SLC26A3: variants seen among roughly 807,000 people sequenced by gnomAD.
SLC26A3 encodes chloride anion exchanger.
In SLC26A3, 64 loss-of-function variants were observed where a neutral mutation model predicts 85.6. The observed-to-expected ratio is 0.75, with a 90% CI of 0.61 to 0.92. The LOEUF (loss-of-function observed/expected upper bound fraction) is 0.92, where lower values mean the gene tolerates loss of function less well. SLC26A3 is among the 40% of genes least tolerant of loss of function. The pLI is 0.00. For missense variants in SLC26A3, 922 were observed against 927.3 expected, an observed-to-expected ratio of 0.99 and a Z score of 0.07; for synonymous variants, 349 against 336.0, an observed-to-expected ratio of 1.04 and a Z score of -0.42.
intron 1 of SLC26A3, among the ~76,000 whole-genome samples, chr7:107,799,055 G>A (rs1029239098): frequency 7.2e-5 from 11 of 152,140 alleles, no homozygotes; most frequent in African/African-American, 2.7e-4. Flanking sequence ...GCGTGAGGCT[G>A]GATAGAAGCA....
chr7:107,778,056 C>T, intron 13 of SLC26A3, 119 bp downstream of exon 13: 1 of 743,658 alleles, frequency 1.3e-6, no homozygotes, highest in East Asian at 2.7e-5. Context: ...CTGCCCCATC[C>T]TGATAGAAAT....
rs774191649 is a variant in SLC26A3, at chr7:107,789,696, G to A, written c.571-8C>T. On this transcript the variant is annotated splice_polypyrimidine_tract_variant and splice_region_variant and intron_variant, in intron 5 of 20. Coordinates refer to ENST00000340010, the MANE Select transcript of SLC26A3 (RefSeq NM_000111.3). Reference sequence around the variant, plus strand: ...CAGAATCCCAAAAGCCAACTGGAAAGAGAACAAAAGCCTTTGTCAGCATAG... The same window carrying A: ...CAGAATCCCAAAAGCCAACTGGAAAAAGAACAAAAGCCTTTGTCAGCATAG... 4.3e-6 allele frequency: 7 copies of A among 1,611,344 alleles called. No individual in the cohort carries two copies. In the East Asian group the frequency reaches 1.6e-4, roughly 36 times the overall value.
intron 1 of SLC26A3, among the ~76,000 whole-genome samples, chr7:107,796,990 T>G (rs950259952): frequency 2.6e-5 from 4 of 152,242 alleles, no homozygotes; most frequent in Non-Finnish European, 5.9e-5. Context: ...TAATTTTTTT[T>G]GCCGATGACA....
chr7:107,774,218 G>T, intron 16 of SLC26A3, 65 bp from the exon 17 acceptor site: 1 of 1,266,190 alleles, frequency 7.9e-7, no homozygotes, highest in Non-Finnish European at 1.2e-6. Context: ...GTCAGAGATA[G>T]CCAGTGAGTT....
Position 107,767,583 on chromosome 7 carries a change from T to C in SLC26A3, c.2267A>G (p.Tyr756Cys). 6.2e-7 allele frequency: 1 copy of C among 1,605,478 alleles called. No individual in the cohort carries two copies. Among genetic ancestry groups the C allele is most frequent in the Non-Finnish European group, 8.5e-7 (1 of 1,172,608 alleles). The change falls in exon 20 of 21, where the codon TAT becomes TGT. Residue 756 changes from tyrosine (Y) to cysteine (C), a missense_variant. By Grantham distance (194) the Tyr-to-Cys change is radical. Coordinates refer to ENST00000340010, the MANE Select transcript of SLC26A3 (RefSeq NM_000111.3). ...AAACCTGTTGAAGAATCTTACCTCATATACCCGATTACGTAATCCTCCATT... is the reference window on the plus strand; with the variant it reads ...AAACCTGTTGAAGAATCTTACCTCACATACCCGATTACGTAATCCTCCATT... ...NTNGGLRNRV[Y>C]EVPVETKF
intron 1 of SLC26A3, among the ~76,000 whole-genome samples, chr7:107,801,759 A>G (rs1052232935): frequency 3.9e-5 from 6 of 151,968 alleles, no homozygotes; most frequent in Non-Finnish European, 7.4e-5. Context: ...TCTGAAATCA[A>G]ATTAGTTGCT....
At chr7:107,769,069 A>G (rs1027544788) in intron 18 of SLC26A3, among the ~76,000 whole-genome samples, 5 of 152,190 alleles carry the variant, frequency 3.3e-5, no homozygotes, top group African/African-American at 1.2e-4. Flanking sequence ...TAGTAAATTA[A>G]AGGTTTCTGG....
At chr7:107,789,776 A>C in intron 5 of SLC26A3, 88 bp from the exon 6 acceptor site, 3 of 1,377,120 alleles carry the variant, frequency 2.2e-6, no homozygotes, top group Non-Finnish European at 3.0e-6. Flanking sequence ...AATATTACAC[A>C]AAACGTAAAG....
chr7:107,778,359 AC>A, intron 12 of SLC26A3, 78 bp from the exon 13 acceptor site: 1 of 453,038 alleles, frequency 2.2e-6, no homozygotes. Flanking sequence ...TTTTAAAAAG[AC>A]TTTTTTTTTT....
chr7:107,772,962 G>A (rs374148454), intron 17 of SLC26A3, among the ~76,000 whole-genome samples: 1 of 152,174 alleles, frequency 6.6e-6, no homozygotes, highest in Non-Finnish European at 1.5e-5. Flanking sequence ...TCTTAGGTCA[G>A]CTCTCACTTG....
intron 18 of SLC26A3, among the ~76,000 whole-genome samples, chr7:107,770,050 C>CTT (rs1467990097): frequency 2.0e-4 from 15 of 74,180 alleles, no homozygotes; most frequent in Non-Finnish European, 2.7e-4. Flanking sequence ...TTCTTTCTTT[C>CTT]TCTTTTCTTT....
intron 18 of SLC26A3, among the ~76,000 whole-genome samples, chr7:107,768,414 G>C (rs1307789298): frequency 3.3e-5 from 5 of 152,086 alleles, no homozygotes; most frequent in Non-Finnish European, 5.9e-5. Flanking sequence ...TCCCATTTTT[G>C]TAGGCACTAA....
chr7:107,769,188 A>G (rs1793963904), intron 18 of SLC26A3, among the ~76,000 whole-genome samples: 1 of 152,178 alleles, frequency 6.6e-6, no homozygotes, highest in African/African-American at 2.4e-5. Context: ...ACAGGGCTGA[A>G]GACAAAAATA....
chr7:107,786,692 G>A (rs1794301597), intron 8 of SLC26A3, 135 bp downstream of exon 8: 6 of 794,964 alleles, frequency 7.5e-6, no homozygotes, highest in South Asian at 2.7e-5. Flanking sequence ...GCCTTCCTTA[G>A]GGATGCAGGG....
intron 3 of SLC26A3, among the ~76,000 whole-genome samples, chr7:107,792,496 G>T (rs894834821): frequency 7.2e-5 from 11 of 151,986 alleles, no homozygotes; most frequent in African/African-American, 2.4e-4. Context: ...TGCGTGCACA[G>T]TTCACGATAG....
intron 20 of SLC26A3, 69 bp downstream of exon 20, chr7:107,767,510 C>A: frequency 8.7e-7 from 1 of 1,151,576 alleles, no homozygotes; most frequent in Non-Finnish European, 1.3e-6. Context: ...CAGGAAGTGG[C>A]CTCACTACTT....
At chr7:107,768,283 C>A (rs745954636) in intron 18 of SLC26A3, among the ~76,000 whole-genome samples, 9 of 152,162 alleles carry the variant, frequency 5.9e-5, no homozygotes, top group Non-Finnish European at 1.2e-4. Flanking sequence ...CAAAATGGAA[C>A]ATATGTTTAT....
In SLC26A3 at chr7:107,765,703, T is replaced by C; in HGVS notation, c.*152A>G. On this transcript the variant is annotated 3_prime_UTR_variant, in exon 21 of 21. Transcript: ENST00000340010. The stretch of plus-strand genomic sequence containing the variant: ...AATTTCATACTAGATATGTGAAAAA[T>C]ATGCCATGCTAGAACCATCTTGTTC... The C allele has an allele frequency of 1.7e-6, 1 of 573,034 alleles. No homozygotes were observed. The highest frequency in any genetic ancestry group is 3.1e-6 in the Non-Finnish European group (1 of 319,446). The allele number at this position is 573,034 out of a possible 1,614,324, so 35.5% of individuals were successfully genotyped here.
chr7:107,779,628 G>A, intron 12 of SLC26A3, 40 bp downstream of exon 12: 5 of 1,462,282 alleles, frequency 3.4e-6, no homozygotes, highest in Non-Finnish European at 4.8e-6. Flanking sequence ...AAATGCTATT[G>A]TGATTTATCT....
Sources: gnomAD v4.1 joint callset for allele counts (sites outside exome capture counted in the v4.1 genomes callset) on GRCh38, gnomAD v4.1.1 for gene constraint, MANE v1.5 for transcripts, NCBI Gene and HGNC (gene_info 2026-07-23, HGNC 2026-07-21) for gene names.